KLHL24: variants seen among roughly 807,000 people sequenced by gnomAD.
The protein encoded by KLHL24 is kelch like family member 24, also known as kelch-like protein 24.
In KLHL24, 29 loss-of-function variants were observed where a neutral mutation model predicts 53.4. That is an observed-to-expected ratio of 0.54 (90% CI 0.40 to 0.74). KLHL24 has a LOEUF of 0.74. Among genes scored for constraint, KLHL24 ranks in the 30% least tolerant of loss-of-function variants. The probability of loss-of-function intolerance (pLI) is 0.00; values close to 1 mark genes in which losing one functional copy is unlikely to be tolerated. For synonymous variants in KLHL24, 222 were observed against 253.7 expected, an observed-to-expected ratio of 0.88 and a Z score of 1.19; for missense variants, 504 against 744.0, an observed-to-expected ratio of 0.68 and a Z score of 3.75.
chr3:183,673,488 C>A (rs562092532), intron 7 of KLHL24, among the ~76,000 whole-genome samples: 30 of 151,646 alleles, frequency 2.0e-4, no homozygotes, highest in Admixed American at 1.8e-3. Flanking sequence ...CTTGTTGTTT[C>A]TTTGGTTAGA....
At chr3:183,642,602 C>CAAAAAAAAA (rs377410456) in intron 1 of KLHL24, among the ~76,000 whole-genome samples, 2 of 92,978 alleles carry the variant, frequency 2.2e-5, no homozygotes, top group African/African-American at 6.7e-5. Flanking sequence ...CCCCTTCCAC[C>CAAAAAAAAA]AAAAAAAAAA....
intron 7 of KLHL24, 78 bp downstream of exon 7, chr3:183,672,562 T>C (rs1364670426): frequency 6.6e-6 from 7 of 1,063,950 alleles, no homozygotes; most frequent in Non-Finnish European, 9.1e-6. Context: ...TACACTGGAA[T>C]TTCAATTTTA....
In KLHL24 at chr3:183,665,017, A is replaced by G; in HGVS notation, c.1202A>G (p.Lys401Arg). 1 of 1,604,688 alleles carries G rather than the reference A, an allele frequency of 6.2e-7. No homozygotes were observed. Among genetic ancestry groups the G allele is most frequent in the Non-Finnish European group, 8.5e-7 (1 of 1,172,330 alleles). The change falls in exon 5 of 8, where the codon AAA (lysine) becomes AGA (arginine). Residue 401 changes from lysine (K) to arginine (R), a missense_variant. Coordinates refer to ENST00000242810, the MANE Select transcript of KLHL24 (RefSeq NM_017644.3). Reference sequence around the variant, plus strand: ...CTCAATAAAGGCAGATGGCGTCACAAAATGGCTGTCCTCCTTGGTAAAGTA... The same window carrying G: ...CTCAATAAAGGCAGATGGCGTCACAGAATGGCTGTCCTCCTTGGTAAAGTA... ...ASLNKGRWRH[K>R]MAVLLGKVYV... is the part of the protein sequence containing the mutation.
At chr3:183,674,342 T>TTTCC (rs571781955) in intron 7 of KLHL24, among the ~76,000 whole-genome samples, 28 of 150,998 alleles carry the variant, frequency 1.9e-4, no homozygotes, top group Admixed American at 6.6e-4. Context: ...CCTTCTTTTC[T>TTTCC]TTCCTTCCTT....
At chr3:183,658,414 G>C (rs1230306363) in intron 3 of KLHL24, among the ~76,000 whole-genome samples, 1 of 151,962 alleles carries the variant, frequency 6.6e-6, no homozygotes, top group Non-Finnish European at 1.5e-5. Context: ...TTTTGAAAGA[G>C]CTATATGGTA....
chr3:183,656,685 A>G (rs922001622), intron 3 of KLHL24, among the ~76,000 whole-genome samples: 1 of 151,988 alleles, frequency 6.6e-6, no homozygotes, highest in East Asian at 1.9e-4. Context: ...CTGTGCCCCA[A>G]CCTCATCCCA....
At chr3:183,640,531 T>C (rs1716218373) in intron 1 of KLHL24, among the ~76,000 whole-genome samples, 1 of 152,152 alleles carries the variant, frequency 6.6e-6, no homozygotes, top group African/African-American at 2.4e-5. Flanking sequence ...TTGCTATCAT[T>C]CTATCCAAAG....
Position 183,679,349 on chromosome 3 carries a change from A to T in KLHL24, c.*63A>T. 8.1e-7 allele frequency: 1 copy of T among 1,231,524 alleles called. No individual in the cohort carries two copies. Among genetic ancestry groups the T allele is most frequent in the Non-Finnish European group, 1.2e-6 (1 of 845,944 alleles). The allele number at this position is 1,231,524 out of a possible 1,614,324, so 76.3% of individuals were successfully genotyped here. On this transcript the variant is annotated 3_prime_UTR_variant, in exon 8 of 8. Coordinates refer to ENST00000242810, the MANE Select transcript of KLHL24 (RefSeq NM_017644.3). The stretch of plus-strand genomic sequence containing the variant: ...AGATGGGAGGTTTTAAAAACTCTAC[A>T]GTGGGAACTTCACATATCTCCTTTG...
chr3:183,638,170 C>A (rs9825728), intron 1 of KLHL24, among the ~76,000 whole-genome samples: 50,532 of 152,044 alleles, frequency 0.33, 9,212 homozygotes, highest in African/African-American at 0.48. Flanking sequence ...ATCGTCTAAC[C>A]TTTTGAAAAA....
intron 1 of KLHL24, among the ~76,000 whole-genome samples, 194 bp downstream of exon 1, chr3:183,635,987 G>A (rs1189859482): frequency 6.6e-6 from 1 of 152,144 alleles, no homozygotes; most frequent in Non-Finnish European, 1.5e-5. Context: ...TTCCTCCCCC[G>A]CTTGGTAGCT....
intron 1 of KLHL24, among the ~76,000 whole-genome samples, chr3:183,639,250 C>T (rs1217647427): frequency 2.6e-5 from 4 of 152,082 alleles, no homozygotes; most frequent in Non-Finnish European, 5.9e-5. Flanking sequence ...AAGGCTACCA[C>T]TGTAAATAAT....
intron 7 of KLHL24, among the ~76,000 whole-genome samples, chr3:183,676,396 T>C (rs1403499053): frequency 6.6e-6 from 1 of 152,212 alleles, no homozygotes; most frequent in Non-Finnish European, 1.5e-5. Context: ...GCACCTGGCC[T>C]TATGCACATG....
At chr3:183,643,644 A>C (rs1043390467) in intron 2 of KLHL24, 102 bp downstream of exon 2, 16 of 152,230 alleles carry the variant, frequency 1.1e-4, no homozygotes, top group African/African-American at 3.6e-4. Context: ...TCAGATAACA[A>C]GGCACAACTC....
chr3:183,656,921 CAA>C (rs36005657), intron 3 of KLHL24, among the ~76,000 whole-genome samples: 3,329 of 146,626 alleles, frequency 0.023, 108 homozygotes, highest in East Asian at 0.16. Context: ...AAAAAAAAGA[CAA>C]AAAAAAAATA....
At chr3:183,665,556 C>T (rs1362890560) in intron 5 of KLHL24, among the ~76,000 whole-genome samples, 2 of 152,108 alleles carry the variant, frequency 1.3e-5, no homozygotes, top group Admixed American at 1.3e-4. Context: ...CGAGACCATC[C>T]TGGCCAATGT....
intron 7 of KLHL24, 68 bp from the exon 8 acceptor site, chr3:183,679,018 T>C: frequency 1.5e-6 from 2 of 1,336,868 alleles, no homozygotes; most frequent in South Asian, 1.2e-5. Flanking sequence ...ATTATTTTGC[T>C]TTTCTGTTTG....
chr3:183,650,721 A>G lies in KLHL24; in HGVS notation c.365A>G (p.Gln122Arg), dbSNP rs1560158563. The G allele has an allele frequency of 6.2e-7, 1 of 1,613,978 alleles. No individual in the cohort carries two copies. Among genetic ancestry groups the G allele is most frequent in the South Asian group, 1.1e-5 (1 of 91,080 alleles). Residue 122 changes from glutamine to arginine, a missense_variant, in exon 3 of 8, where the codon CAG becomes CGG. Coordinates refer to ENST00000242810, the MANE Select transcript of KLHL24 (RefSeq NM_017644.3). This position sits in a 1 kb window ranked among gnomAD's most constrained non-coding sequence, Gnocchi z 4.5. ...GCTGAAGCTATGGAATGTTTTTTGC[A>G]GTATGTTTATACTGGAAAGGTGAAG... is the stretch of plus-strand genomic sequence containing the variant. ...ILAEAMECFL[Q>R]YVYTGKVKIT...
At chr3:183,662,404 C>T (rs555952660) in intron 3 of KLHL24, among the ~76,000 whole-genome samples, 1 of 129,294 alleles carries the variant, frequency 7.7e-6, no homozygotes, top group East Asian at 2.6e-4. Context: ...TTTTTTTCCC[C>T]TCTATAAGTA....
intron 5 of KLHL24, among the ~76,000 whole-genome samples, chr3:183,666,104 A>G (rs1720518742): frequency 2.0e-5 from 3 of 152,236 alleles, no homozygotes; most frequent in African/African-American, 7.2e-5. Context: ...GCTGGTCTCC[A>G]ACTCCTGAGC....
Sources: gnomAD v4.1 joint callset for allele counts (sites outside exome capture counted in the v4.1 genomes callset) on GRCh38, gnomAD v4.1.1 for gene constraint, Gnocchi (gnomAD v3.1) non-coding constraint, MANE v1.5 for transcripts, NCBI Gene and HGNC (gene_info 2026-07-23, HGNC 2026-07-21) for gene names.